The following IQCH variants were observed in gnomAD, a reference collection of about 807,000 sequenced individuals.
The protein encoded by IQCH is IQ domain-containing protein H.
In IQCH, 98 loss-of-function variants were observed where a neutral mutation model predicts 117.0. That is an observed-to-expected ratio of 0.84 (90% confidence interval 0.71 to 0.99). IQCH has a LOEUF of 0.99. Among genes scored for constraint, IQCH ranks in the 50% least tolerant of loss-of-function variants. IQCH has a pLI of 0.00. For missense variants in IQCH, 1,102 were observed against 1,243.8 expected, an observed-to-expected ratio of 0.89 and a Z score of 1.72; for synonymous variants, 412 against 448.2, an observed-to-expected ratio of 0.92 and a Z score of 1.02.
chr15:67,477,044 C>CTTTTTTTTTTTTTTTTTTT (rs71455553), intron 18 of IQCH, among the ~76,000 whole-genome samples: 84 of 71,122 alleles, frequency 1.2e-3, no homozygotes, highest in South Asian at 1.5e-3. Context: ...TCTTTTTCTT[C>CTTTTTTTTTTTTTTTTTTT]TTTTTTTTTT....
chr15:67,496,739 C>A lies in IQCH; in HGVS notation c.2970+2373C>A, dbSNP rs980156632. Reference sequence around the variant, plus strand: ...GAAGAAATAAAAGTAAAAGTATCGGCCGGGCACGGTGGCTCACGCCTGTAA... The same window carrying A: ...GAAGAAATAAAAGTAAAAGTATCGGACGGGCACGGTGGCTCACGCCTGTAA... On this transcript the variant is annotated intron_variant, in intron 20 of 20. Coordinates refer to ENST00000335894, the MANE Select transcript of IQCH (RefSeq NM_001031715.3). This position sits in a 1 kb window ranked among gnomAD's most constrained non-coding sequence, Gnocchi z 4.4. 6.6e-6 allele frequency among the ~76,000 whole-genome samples: 1 copy of A among 152,058 alleles called. No individual in the cohort carries two copies. Among genetic ancestry groups the A allele is most frequent in the African/African-American group, 2.4e-5 (1 of 41,414 alleles).
Position 67,494,205 on chromosome 15 carries a change from A to T in IQCH, c.2862-53A>T. Reference sequence around the variant, plus strand: ...CACAAATGAGAGGGCGATTGTTTTTAAGCATGTGAAGGGAATCGTTGGTAA... The same window carrying T: ...CACAAATGAGAGGGCGATTGTTTTTTAGCATGTGAAGGGAATCGTTGGTAA... On this transcript the variant is annotated intron_variant, in intron 19 of 20. Coordinates refer to ENST00000335894, the MANE Select transcript of IQCH (RefSeq NM_001031715.3). This position sits in a 1 kb window ranked among gnomAD's most constrained non-coding sequence, Gnocchi z 5.5. The T allele has an allele frequency of 7.7e-7, 1 of 1,296,926 alleles. No individual in the cohort carries two copies. Among genetic ancestry groups the T allele is most frequent in the Non-Finnish European group, 1.1e-6 (1 of 934,262 alleles). 80.3% of individuals were successfully genotyped at this position (1,296,926 alleles called of 1,614,324 possible). A position where few individuals can be genotyped will look rare whatever the true frequency, so the allele number is the denominator to read the frequency against.
chr15:67,261,093 CAAA>C (rs5813432), intron 1 of IQCH, among the ~76,000 whole-genome samples, 176 bp from the exon 2 acceptor site: 1 of 126,434 alleles, frequency 7.9e-6, no homozygotes, highest in Non-Finnish European at 1.6e-5. Context: ...AATTCCATCT[CAAA>C]AAAAAAAAAA....
At chr15:67,278,199 G>A (rs771688309) in intron 3 of IQCH, among the ~76,000 whole-genome samples, 21 of 152,248 alleles carry the variant, frequency 1.4e-4, no homozygotes, top group Non-Finnish European at 2.4e-4. Context: ...TACAGAGAAC[G>A]GAACGAAGAA....
At chr15:67,276,090 C>T (rs1209035618) in intron 3 of IQCH, among the ~76,000 whole-genome samples, 1 of 152,042 alleles carries the variant, frequency 6.6e-6, no homozygotes, top group Non-Finnish European at 1.5e-5. Flanking sequence ...GCTATTAAAA[C>T]TGATATTGAA....
rs2083137160 is a variant in IQCH at position 67,474,013 on chromosome 15, G to T, written c.2677-1683G>T. ...TGATGTAAATGTTGAAGAAAAACAT[G>T]CTCCCCCCATCATGTGTGAGGGGAG... On this transcript the variant is annotated intron_variant, in intron 17 of 20. Coordinates refer to ENST00000335894, the MANE Select transcript of IQCH (RefSeq NM_001031715.3). The surrounding 1 kb of genome is among the most constrained non-coding windows in gnomAD (Gnocchi z 4.1). 6.6e-6 allele frequency among the ~76,000 whole-genome samples: 1 copy of T among 151,286 alleles called. No individual in the cohort carries two copies. Among genetic ancestry groups the T allele is most frequent in the South Asian group, 2.1e-4 (1 of 4,778 alleles).
chr15:67,297,500 TTC>T (rs1377600638), intron 4 of IQCH, among the ~76,000 whole-genome samples: 1 of 152,146 alleles, frequency 6.6e-6, no homozygotes, highest in East Asian at 1.9e-4. Flanking sequence ...CAGTAGCATT[TTC>T]TGTTATATAA....
rs2081890308 is a variant in IQCH, at chr15:67,426,384, C to T, written c.2505+4807C>T. Among the ~76,000 whole-genome samples the T allele has an allele frequency of 6.6e-6, 1 of 152,100 alleles. No individual in the cohort carries two copies. Among genetic ancestry groups the T allele is most frequent in the South Asian group, 2.1e-4 (1 of 4,832 alleles). On this transcript the variant is annotated intron_variant, in intron 16 of 20. Coordinates refer to ENST00000335894, the MANE Select transcript of IQCH (RefSeq NM_001031715.3). This position sits in a 1 kb window ranked among gnomAD's most constrained non-coding sequence, Gnocchi z 5.1. ...CAGCATCTCCAATTTCAATCCAGCA[C>T]CTCAAGGTTCTTTCTAGAATTCCCC...
intron 3 of IQCH, among the ~76,000 whole-genome samples, chr15:67,264,287 G>A (rs8042237): frequency 0.23 from 34,319 of 152,236 alleles, 4,412 homozygotes; most frequent in East Asian, 0.48. Context: ...TTAGTTATCT[G>A]TTGTTTAAGA....
Position 67,482,194 on chromosome 15 carries a change from T to C in IQCH, c.2799+6376T>C, listed in dbSNP as rs556485191. 9.4e-5 allele frequency among the ~76,000 whole-genome samples: 14 copies of C among 148,552 alleles called. No homozygotes were observed. In the East Asian group the frequency reaches 1.6e-3, roughly 17 times the overall value. Reference sequence around the variant, plus strand: ...AATAGCGTCTATGCTCATGAAGCAATTGGGATCAGAACTAATCAAGGAACA... The same window carrying C: ...AATAGCGTCTATGCTCATGAAGCAACTGGGATCAGAACTAATCAAGGAACA... On this transcript the variant is annotated intron_variant, in intron 18 of 20. Transcript: ENST00000335894.
chr15:67,298,278 T>G (rs1966872284), intron 4 of IQCH, among the ~76,000 whole-genome samples: 1 of 148,820 alleles, frequency 6.7e-6, no homozygotes, highest in Non-Finnish European at 1.5e-5. Context: ...ACTTGCACTC[T>G]CAGCCTGGGT....
intron 5 of IQCH, among the ~76,000 whole-genome samples, chr15:67,341,143 C>T (rs539279360): frequency 2.0e-4 from 31 of 152,074 alleles, no homozygotes; most frequent in Non-Finnish European, 4.1e-4. Context: ...GCCCTAGAGG[C>T]GGAGGTTGCA....
chr15:67,256,074 C>G lies in IQCH; in HGVS notation c.51+1127C>G, dbSNP rs543214151. On this transcript the variant is annotated intron_variant, in intron 1 of 20. Transcript: ENST00000335894. ...AACTTAGGGGCCCCATCACCACCCT[C>G]ACATTCAATGATTCACTAGAACTAT... Among the ~76,000 whole-genome samples the G allele has an allele frequency of 3.3e-5, 5 of 152,312 alleles. No individual in the cohort carries two copies. In the South Asian group the frequency reaches 1.0e-3, roughly 32 times the overall value.
intron 4 of IQCH, among the ~76,000 whole-genome samples, chr15:67,298,410 A>G (rs776018199): frequency 3.9e-5 from 6 of 152,186 alleles, no homozygotes; most frequent in Admixed American, 1.3e-4. Context: ...GCAAATCAAA[A>G]CTACAATGAG....
intron 10 of IQCH, among the ~76,000 whole-genome samples, chr15:67,383,545 ATTC>A (rs1446690020): frequency 6.6e-6 from 1 of 152,170 alleles, no homozygotes; most frequent in Non-Finnish European, 1.5e-5. Context: ...ATCACACTTT[ATTC>A]TTTAGGCATT....
chr15:67,419,503 G>A (rs2081668473), intron 15 of IQCH, among the ~76,000 whole-genome samples: 1 of 152,018 alleles, frequency 6.6e-6, no homozygotes, highest in Admixed American at 6.6e-5. Flanking sequence ...AATGTGCTAG[G>A]GTTTGATTTC....
rs1411226925 is a variant in IQCH at position 67,261,266 on chromosome 15, C to T, written c.52-6C>T. 8 of 1,514,716 alleles carry T rather than the reference C, an allele frequency of 5.3e-6. No homozygotes were observed. In the Admixed American group the frequency reaches 1.4e-4, roughly 26 times the overall value. The allele number at this position is 1,514,716 out of a possible 1,614,324, so 93.8% of individuals were successfully genotyped here. The stretch of plus-strand genomic sequence containing the variant: ...TTTCAATATTTTTCATTTTTTATAC[C>T]TATAGATCCATGAAGACCTTTATCA... On this transcript the variant is annotated splice_polypyrimidine_tract_variant and splice_region_variant and intron_variant, in intron 1 of 20. Transcript: ENST00000335894.
At position 67,387,909 on chromosome 15, in the gene IQCH, C is replaced by T. The variant is rs1040432695; in HGVS notation, c.1457-922C>T. ...TCTTTGCCCTGCTTGCCTAAGAAAA[C>T]GTTTACAGTGCTCCCTCCTCTGAAC... On this transcript the variant is annotated intron_variant, in intron 11 of 20. Coordinates refer to ENST00000335894, the MANE Select transcript of IQCH (RefSeq NM_001031715.3). The surrounding 1 kb of genome is among the most constrained non-coding windows in gnomAD (Gnocchi z 4.8). 8.5e-5 allele frequency among the ~76,000 whole-genome samples: 13 copies of T among 152,142 alleles called. No homozygotes were observed. The highest frequency in any genetic ancestry group is 2.7e-4 in the African/African-American group (11 of 41,416).
intron 14 of IQCH, among the ~76,000 whole-genome samples, chr15:67,414,668 A>AATATATATATGTG (rs2081531914): frequency 6.9e-6 from 1 of 144,276 alleles, no homozygotes; most frequent in Non-Finnish European, 1.5e-5. Context: ...AAAAAAATAT[A>AATATATATATGTG]TATATATATA....
Sources: allele counts gnomAD v4.1 joint callset (sites outside exome capture counted in the v4.1 genomes callset), GRCh38; gene constraint gnomAD v4.1.1; non-coding constraint Gnocchi (gnomAD v3.1); transcripts MANE v1.5; gene names NCBI Gene and HGNC (gene_info 2026-07-23, HGNC 2026-07-21).